The following RBMS2 variants were observed in gnomAD, a reference collection of about 807,000 sequenced individuals.
The protein encoded by RBMS2 is RNA binding motif single stranded interacting protein 2.
A neutral mutation model predicts 58.4 loss-of-function variants in RBMS2; 38 were observed. That is an observed-to-expected ratio of 0.65 (90% CI 0.50 to 0.85). The LOEUF (loss-of-function observed/expected upper bound fraction) is 0.85, where lower values mean the gene tolerates loss of function less well. Ranked by LOEUF, RBMS2 falls within the 40% of genes least tolerant of loss-of-function variation. The pLI is 0.00. For missense variants in RBMS2, 367 were observed against 503.7 expected (o/e 0.73, Z 2.60); for synonymous variants, 151 against 180.7 (o/e 0.84, Z 1.32).
At chr12:56,547,482 C>T (rs1395168614) in intron 1 of RBMS2, among the ~76,000 whole-genome samples, 2 of 152,082 alleles carry the variant, frequency 1.3e-5, no homozygotes, top group South Asian at 4.1e-4. Context: ...CAAGACTGGG[C>T]ACATAATGAG....
At position 56,593,904 on chromosome 12, in the gene RBMS2, G is replaced by A. The variant is rs1885501495; in HGVS notation, c.*4771G>A. ...AGTTGCCCAGGCCAGGAAGCCTGGT[G>A]GCTCTAAAGGGTAATAGACCTTGTC... is the stretch of plus-strand genomic sequence containing the variant. On this transcript the variant is annotated 3_prime_UTR_variant, in exon 14 of 14. Coordinates refer to ENST00000262031, the MANE Select transcript of RBMS2 (RefSeq NM_002898.4). 1 of 152,294 alleles carries A rather than the reference G, an allele frequency of 6.6e-6. No homozygotes were observed. The highest frequency in any genetic ancestry group is 1.5e-5 in the Non-Finnish European group (1 of 68,104). The allele number at this position is 152,294 out of a possible 1,614,324, so 9.4% of individuals were successfully genotyped here. A position where few individuals can be genotyped will look rare whatever the true frequency, so the allele number is the denominator to read the frequency against.
intron 1 of RBMS2, among the ~76,000 whole-genome samples, chr12:56,548,073 A>G (rs895682278): frequency 3.3e-5 from 5 of 152,192 alleles, no homozygotes; most frequent in African/African-American, 9.6e-5. Flanking sequence ...TAAATATATT[A>G]TGAAATACGT....
intron 12 of RBMS2, 113 bp downstream of exon 12, chr12:56,588,487 C>A: frequency 9.9e-7 from 1 of 1,014,976 alleles, no homozygotes; most frequent in African/African-American, 1.6e-5. Flanking sequence ...TCACAAATAG[C>A]TGGTAGGTAT....
At chr12:56,561,883 C>T (rs1880493881) in intron 1 of RBMS2, among the ~76,000 whole-genome samples, 1 of 151,950 alleles carries the variant, frequency 6.6e-6, no homozygotes, top group Admixed American at 6.6e-5. Context: ...TCTCAGCTCA[C>T]TGCAAGCTCT....
intron 9 of RBMS2, among the ~76,000 whole-genome samples, chr12:56,586,382 T>C (rs1253877161): frequency 6.6e-6 from 1 of 152,010 alleles, no homozygotes; most frequent in Admixed American, 6.6e-5. Flanking sequence ...GTCCCGCTAC[T>C]GCACTCCAGC....
Position 56,536,497 on chromosome 12 carries a change from T to TTTCC in RBMS2, c.66+14432_66+14435dup, listed in dbSNP as rs532331764. ...CCTACTCTTTTTCTTAGTAAGATCTTTTCCTTCCTTCCTTCCTTCCTTCCT... is the reference window on the plus strand; with the variant it reads ...CCTACTCTTTTTCTTAGTAAGATCTTTTCCTTCCTTCCTTCCTTCCTTCCTTCCT... On this transcript the variant is annotated intron_variant, in intron 1 of 13. Coordinates refer to ENST00000262031, the MANE Select transcript of RBMS2 (RefSeq NM_002898.4). Among the ~76,000 whole-genome samples the TTTCC allele has an allele frequency of 3.4e-3, 508 of 151,064 alleles. 3 individuals carry two copies. Among genetic ancestry groups the TTTCC allele is most frequent in the African/African-American group, 9.8e-3 (401 of 41,086 alleles).
chr12:56,554,349 A>G lies in RBMS2; in HGVS notation c.67-8068A>G, dbSNP rs141441388. ...ATGGAATCAACCCAAATGCCCATCA[A>G]TGATAGGCTGGATAAAGAAAATCTG... On this transcript the variant is annotated intron_variant, in intron 1 of 13. Coordinates refer to ENST00000262031, the MANE Select transcript of RBMS2 (RefSeq NM_002898.4). Among the ~76,000 whole-genome samples the G allele has an allele frequency of 1.8e-4, 27 of 152,314 alleles. No homozygotes were observed. In the East Asian group the frequency reaches 4.8e-3, roughly 27 times the overall value.
At chr12:56,561,768 TC>T (rs1880462578) in intron 1 of RBMS2, among the ~76,000 whole-genome samples, 4 of 17,452 alleles carry the variant, frequency 2.3e-4, no homozygotes, top group African/African-American at 4.4e-4. Flanking sequence ...ACCCCCCCCC[TC>T]CTTGGCCTCC....
chr12:56,569,951 A>G lies in RBMS2; in HGVS notation c.345A>G (p.Thr115=). The G allele has an allele frequency of 6.2e-7, 1 of 1,613,998 alleles. No individual in the cohort carries two copies. Among genetic ancestry groups the G allele is most frequent in the East Asian group, 2.2e-5 (1 of 44,884 alleles). The stretch of plus-strand genomic sequence containing the variant: ...CTTCAGCAGCACAGAAAGCTGTAAC[A>G]GCACTGAAGGCCAGCGGTGTACAGG... ...DSPSAAQKAV[T]ALKASGVQAQ... Residue 115 remains threonine, a synonymous_variant, in exon 4 of 14, where the codon ACA becomes ACG. Coordinates refer to ENST00000262031, the MANE Select transcript of RBMS2 (RefSeq NM_002898.4).
rs150380996 is a variant in RBMS2, at chr12:56,534,989, T to C, written c.66+12900T>C. On this transcript the variant is annotated intron_variant, in intron 1 of 13. Transcript: ENST00000262031. ...TTTCATCTTAACCTATCGACAACAC[T>C]TGATACAATTGATCACTCTATTCCT... is the stretch of plus-strand genomic sequence containing the variant. 1.3e-4 allele frequency among the ~76,000 whole-genome samples: 20 copies of C among 152,290 alleles called. No homozygotes were observed. The East Asian group carries it at 3.7e-3, about 28-fold the overall frequency.
chr12:56,536,086 G>GCTA (rs1666587030), intron 1 of RBMS2, among the ~76,000 whole-genome samples: 1 of 151,378 alleles, frequency 6.6e-6, no homozygotes, highest in South Asian at 2.1e-4. Context: ...CGTAATCCCA[G>GCTA]CTACTCGGGA....
At chr12:56,547,067 G>A (rs1479245548) in intron 1 of RBMS2, among the ~76,000 whole-genome samples, 3 of 152,008 alleles carry the variant, frequency 2.0e-5, no homozygotes, top group African/African-American at 7.3e-5. Context: ...TTATTATTCT[G>A]GGCCGGGTGC....
chr12:56,573,202 C>T (rs547051403), intron 5 of RBMS2: 151 of 978,990 alleles, frequency 1.5e-4, no homozygotes, highest in Middle Eastern at 5.2e-4. Flanking sequence ...CTTGGCTGGG[C>T]GTGGTGGCTC....
chr12:56,588,459 A>G (rs780457956), intron 12 of RBMS2, 85 bp downstream of exon 12: 28 of 1,223,654 alleles, frequency 2.3e-5, no homozygotes, highest in Non-Finnish European at 3.1e-5. Flanking sequence ...TTCTCTCACA[A>G]TGATGCTGAT....
intron 7 of RBMS2, 106 bp from the exon 8 acceptor site, chr12:56,581,727 G>C: frequency 7.3e-7 from 1 of 1,378,842 alleles, no homozygotes; most frequent in African/African-American, 1.4e-5. Context: ...GACTTGTCTA[G>C]GCTTTAATTT....
At chr12:56,544,260 A>G (rs1876724267) in intron 1 of RBMS2, among the ~76,000 whole-genome samples, 1 of 152,028 alleles carries the variant, frequency 6.6e-6, no homozygotes, top group African/African-American at 2.4e-5. Context: ...TGGGCAACAG[A>G]GCGGGACTTT....
chr12:56,527,164 A>G (rs1033122501), intron 1 of RBMS2, among the ~76,000 whole-genome samples: 2 of 152,232 alleles, frequency 1.3e-5, no homozygotes, highest in African/African-American at 2.4e-5. Flanking sequence ...TTCTAACAGG[A>G]TAGAGAATTT....
chr12:56,570,383 C>T (rs924211547), intron 4 of RBMS2, among the ~76,000 whole-genome samples: 3 of 152,184 alleles, frequency 2.0e-5, no homozygotes, highest in Non-Finnish European at 4.4e-5. Context: ...ATGCTCTCCA[C>T]CTCCTAATGT....
chr12:56,527,583 G>GC (rs1872882400), intron 1 of RBMS2, among the ~76,000 whole-genome samples: 1 of 151,966 alleles, frequency 6.6e-6, no homozygotes, highest in Non-Finnish European at 1.5e-5. Context: ...TTGCACTTCA[G>GC]CCCGGGGCCG....
Sources: gnomAD v4.1 joint callset for allele counts (sites outside exome capture counted in the v4.1 genomes callset) on GRCh38, gnomAD v4.1.1 for gene constraint, MANE v1.5 for transcripts, NCBI Gene and HGNC (gene_info 2026-07-23, HGNC 2026-07-21) for gene names.